The following TG variants were observed in gnomAD, a reference collection of about 807,000 sequenced individuals.
The protein encoded by TG is thyroid hormones.
TG carries 270 observed loss-of-function variants against 324.7 expected under a neutral mutation model. The observed-to-expected ratio is 0.83, with a 90% CI of 0.75 to 0.92. The LOEUF is 0.92. Among genes scored for constraint, TG ranks in the 40% least tolerant of loss-of-function variants. The pLI is 0.00. For synonymous variants in TG, 1,401 were observed against 1,327.0 expected, an observed-to-expected ratio of 1.06 and a Z score of -1.21; for missense variants, 3,591 against 3,456.4, an observed-to-expected ratio of 1.04 and a Z score of -0.98.
chr8:132,885,206 A>T (rs138229013), intron 8 of TG, among the ~76,000 whole-genome samples: 1 of 152,002 alleles, frequency 6.6e-6, no homozygotes, highest in South Asian at 2.1e-4. Flanking sequence ...ACATCCACCT[A>T]TGTAACTGAG....
chr8:132,929,880 G>A (rs150531588), intron 23 of TG, among the ~76,000 whole-genome samples: 2 of 152,262 alleles, frequency 1.3e-5, no homozygotes, highest in Non-Finnish European at 2.9e-5. Flanking sequence ...TTTAGGGGGT[G>A]TGCATGCAGG....
chr8:132,907,858 C>T (rs1690223185), intron 17 of TG, among the ~76,000 whole-genome samples: 1 of 152,136 alleles, frequency 6.6e-6, no homozygotes, highest in African/African-American at 2.4e-5. Flanking sequence ...GATGTCTATT[C>T]TTAACCTGAA....
chr8:132,930,841 T>C (rs1563968437), intron 23 of TG, among the ~76,000 whole-genome samples: 1 of 152,090 alleles, frequency 6.6e-6, no homozygotes, highest in Non-Finnish European at 1.5e-5. Flanking sequence ...TAAAATATGC[T>C]GAGAGAAAAC....
At chr8:133,005,751 T>G (rs1449147004) in intron 35 of TG, among the ~76,000 whole-genome samples, 2 of 152,162 alleles carry the variant, frequency 1.3e-5, no homozygotes, top group Non-Finnish European at 2.9e-5. Flanking sequence ...CTTCTCTGGT[T>G]TCTGGCAATA....
At chr8:133,131,622 AG>A (rs1851955578) in intron 45 of TG, among the ~76,000 whole-genome samples, 189 bp from the exon 46 acceptor site, 1 of 152,222 alleles carries the variant, frequency 6.6e-6, no homozygotes, top group Non-Finnish European at 1.5e-5. Context: ...TCTCCCCGCA[AG>A]GGGCCACTGC....
At chr8:132,988,879 G>A in intron 35 of TG, 1 of 985,362 alleles carries the variant, frequency 1.0e-6, no homozygotes, top group Non-Finnish European at 1.2e-6. Context: ...CTCTATTTCA[G>A]AAATGTTTCT....
intron 31 of TG, among the ~76,000 whole-genome samples, chr8:132,968,572 T>A (rs1327239632): frequency 6.6e-6 from 1 of 152,244 alleles, no homozygotes; most frequent in Non-Finnish European, 1.5e-5. Flanking sequence ...TCTTCTCTGT[T>A]GGATGTCTTT....
rs745621238 is a variant in TG, at chr8:132,911,451, G to C, written c.4077G>C (p.Arg1359Ser). 5 of 1,614,056 alleles carry C rather than the reference G, an allele frequency of 3.1e-6. No individual in the cohort carries two copies. The Admixed American group carries it at 8.3e-5, about 27-fold the overall frequency. ...CTGTGCAGGTGGGTTGTCTGACCAG[G>C]GAGCGTTTAGGAGTGAATGTTACAT... is the stretch of plus-strand genomic sequence containing the variant. The part of the protein sequence containing the change: ...NSSVQVGCLT[R>S]ERLGVNVTWK... Residue 1359 changes from arginine (R) to serine (S), a missense_variant, in exon 19 of 48, where the codon AGG (arginine) becomes AGC (serine). Coordinates refer to ENST00000220616, the MANE Select transcript of TG (RefSeq NM_003235.5).
intron 35 of TG, among the ~76,000 whole-genome samples, chr8:132,992,016 GGT>G (rs1213526596): frequency 3.9e-5 from 6 of 152,124 alleles, no homozygotes; most frequent in African/African-American, 1.4e-4. Flanking sequence ...TCTCTCCACA[GGT>G]GCAGGAGGGA....
Position 132,906,637 on chromosome 8 carries a change from C to T in TG, c.3635-51C>T, listed in dbSNP as rs781042997. 9.9e-5 allele frequency: 158 copies of T among 1,603,644 alleles called. No homozygotes were observed. In the East Asian group the frequency reaches 1.1e-3, roughly 11 times the overall value. Reference sequence around the variant, plus strand: ...ACACCCACAAGCAGGCATGCTCAGTCGTCCCGAGGCTGGGCAGGTGCCCAC... The same window carrying T: ...ACACCCACAAGCAGGCATGCTCAGTTGTCCCGAGGCTGGGCAGGTGCCCAC... On this transcript the variant is annotated intron_variant, in intron 16 of 47. Transcript: ENST00000220616.
At chr8:133,000,455 A>G (rs1459250224) in intron 35 of TG, among the ~76,000 whole-genome samples, 3 of 152,208 alleles carry the variant, frequency 2.0e-5, no homozygotes, top group African/African-American at 7.2e-5. Flanking sequence ...CAAAAGACCA[A>G]TAATTGAGAC....
intron 35 of TG, among the ~76,000 whole-genome samples, chr8:132,992,838 T>C (rs1332517865): frequency 6.6e-6 from 1 of 152,236 alleles, no homozygotes; most frequent in Non-Finnish European, 1.5e-5. Flanking sequence ...CCCTTCACCC[T>C]GCTGTACTGC....
intron 37 of TG, among the ~76,000 whole-genome samples, chr8:133,016,577 A>G (rs1835047339): frequency 6.6e-6 from 1 of 152,218 alleles, no homozygotes; most frequent in African/African-American, 2.4e-5. Flanking sequence ...ACATATTTTT[A>G]TAGAAGGATC....
chr8:132,873,658 TAATAC>T (rs1303271890), intron 5 of TG, among the ~76,000 whole-genome samples: 1 of 152,214 alleles, frequency 6.6e-6, no homozygotes, highest in Non-Finnish European at 1.5e-5. Flanking sequence ...TATATTATGA[TAATAC>T]AATACAAGAT....
chr8:132,884,315 C>T lies in TG; in HGVS notation c.1075+1316C>T, dbSNP rs543869044. On this transcript the variant is annotated intron_variant, in intron 8 of 47. Coordinates refer to ENST00000220616, the MANE Select transcript of TG (RefSeq NM_003235.5). ...GAGAACTCTTATTAGGCATTCGAGCCAGACCCCATTTTCTCCTCCTGGTGA... is the reference window on the plus strand; with the variant it reads ...GAGAACTCTTATTAGGCATTCGAGCTAGACCCCATTTTCTCCTCCTGGTGA... Among the ~76,000 whole-genome samples the T allele has an allele frequency of 2.6e-5, 4 of 152,274 alleles. No homozygotes were observed. The East Asian group carries it at 5.8e-4, about 22-fold the overall frequency.
At chr8:132,897,376 C>A (rs1381954477) in intron 11 of TG, among the ~76,000 whole-genome samples, 1 of 152,212 alleles carries the variant, frequency 6.6e-6, no homozygotes, top group African/African-American at 2.4e-5. Context: ...AGACACTTCA[C>A]TGACCTACTG....
chr8:132,987,208 T>G lies in TG; in HGVS notation c.6262+3796T>G, dbSNP rs775144467. Among the ~76,000 whole-genome samples the G allele has an allele frequency of 5.5e-4, 84 of 152,218 alleles. 1 individual carries two copies. Among genetic ancestry groups the G allele is most frequent in the Admixed American group, 5.9e-4 (9 of 15,272 alleles). ...AGTATGATTTAAAAGCATAGAAATGTCAGAGCCAACATCCTATCTATGTGT... is the reference window on the plus strand; with the variant it reads ...AGTATGATTTAAAAGCATAGAAATGGCAGAGCCAACATCCTATCTATGTGT... On this transcript the variant is annotated intron_variant, in intron 35 of 47. Coordinates refer to ENST00000220616, the MANE Select transcript of TG (RefSeq NM_003235.5).
At chr8:133,070,476 A>G (rs1442313926) in intron 41 of TG, among the ~76,000 whole-genome samples, 1 of 152,226 alleles carries the variant, frequency 6.6e-6, no homozygotes, top group Non-Finnish European at 1.5e-5. Flanking sequence ...GCCCCCAAGA[A>G]CATACTGTTT....
At chr8:133,120,662 T>C (rs1207754389) in intron 45 of TG, among the ~76,000 whole-genome samples, 2 of 152,198 alleles carry the variant, frequency 1.3e-5, no homozygotes, top group Non-Finnish European at 2.9e-5. Context: ...AAGGTCCCCA[T>C]CACCCATATT....
Sources: allele counts gnomAD v4.1 joint callset (sites outside exome capture counted in the v4.1 genomes callset), GRCh38; gene constraint gnomAD v4.1.1; transcripts MANE v1.5; gene names NCBI Gene and HGNC (gene_info 2026-07-23, HGNC 2026-07-21).